L3MBTL4: variants seen among roughly 807,000 people sequenced by gnomAD.
The protein encoded by L3MBTL4 is L3MBTL histone methyl-lysine binding protein 4.
In L3MBTL4, 70 loss-of-function variants were observed where a neutral mutation model predicts 84.5. The ratio of observed to expected loss-of-function variants is 0.83; its 90% CI spans 0.68 to 1.01. The LOEUF is 1.01. Ranked by LOEUF, L3MBTL4 falls within the 50% of genes least tolerant of loss-of-function variation. The pLI, the probability that L3MBTL4 is intolerant of heterozygous loss-of-function variation, is 0.00. For synonymous variants in L3MBTL4, 274 were observed against 259.8 expected, an observed-to-expected ratio of 1.05 and a Z score of -0.52; for missense variants, 715 against 754.8, an observed-to-expected ratio of 0.95 and a Z score of 0.62.
chr18:6,370,454 A>G (rs865841394), intron 1 of L3MBTL4, among the ~76,000 whole-genome samples: 4 of 152,224 alleles, frequency 2.6e-5, no homozygotes, highest in African/African-American at 7.2e-5. Context: ...ATGGGAACCC[A>G]GATGGAATCA....
At chr18:6,014,244 C>T (rs371186314) in intron 16 of L3MBTL4, among the ~76,000 whole-genome samples, 5 of 152,182 alleles carry the variant, frequency 3.3e-5, no homozygotes, top group Admixed American at 2.0e-4. Flanking sequence ...TGGCACTTCT[C>T]TACCGTCTCT....
At chr18:6,069,436 T>C (rs75618699) in intron 16 of L3MBTL4, among the ~76,000 whole-genome samples, 1 of 152,096 alleles carries the variant, frequency 6.6e-6, no homozygotes, top group Admixed American at 6.5e-5. Context: ...AAGTGTTGTT[T>C]TTTTTTTTCC....
chr18:6,188,890 G>C (rs1383999245), intron 12 of L3MBTL4, among the ~76,000 whole-genome samples: 1 of 152,202 alleles, frequency 6.6e-6, no homozygotes, highest in Non-Finnish European at 1.5e-5. Context: ...AACCAGAGAT[G>C]AACTAAAGCT....
chr18:6,293,872 A>G (rs1249462599), intron 4 of L3MBTL4, among the ~76,000 whole-genome samples: 1 of 152,192 alleles, frequency 6.6e-6, no homozygotes, highest in East Asian at 1.9e-4. Flanking sequence ...ATAAAAGTTC[A>G]GGAAAGGCTG....
chr18:6,033,097 C>G (rs1416980908), intron 16 of L3MBTL4, among the ~76,000 whole-genome samples: 2 of 152,110 alleles, frequency 1.3e-5, no homozygotes, highest in Non-Finnish European at 2.9e-5. Context: ...CCATTATTAC[C>G]ATATAACTGT....
At chr18:6,038,738 G>C (rs906408196) in intron 16 of L3MBTL4, among the ~76,000 whole-genome samples, 2 of 152,104 alleles carry the variant, frequency 1.3e-5, no homozygotes, top group African/African-American at 4.8e-5. Flanking sequence ...TATTATTCAA[G>C]AGAAAACTTG....
intron 12 of L3MBTL4, among the ~76,000 whole-genome samples, chr18:6,174,705 A>T (rs2044143721): frequency 6.7e-6 from 1 of 148,802 alleles, no homozygotes; most frequent in Non-Finnish European, 1.5e-5. Context: ...CCCCATCTCT[A>T]CTAAAATGCA....
chr18:5,961,220 C>T (rs1013181409), intron 17 of L3MBTL4, among the ~76,000 whole-genome samples: 6 of 152,230 alleles, frequency 3.9e-5, no homozygotes, highest in Non-Finnish European at 7.3e-5. Context: ...GTTATCAACA[C>T]GTCCCACCCT....
intron 16 of L3MBTL4, among the ~76,000 whole-genome samples, chr18:5,975,493 ACTTCTG>A (rs2052872694): frequency 6.6e-6 from 1 of 152,172 alleles, no homozygotes; most frequent in African/African-American, 2.4e-5. Context: ...TTCCATAGTG[ACTTCTG>A]CTGGAGAAGC....
At chr18:6,008,394 A>T (rs2054584947) in intron 16 of L3MBTL4, among the ~76,000 whole-genome samples, 1 of 152,166 alleles carries the variant, frequency 6.6e-6, no homozygotes, top group Non-Finnish European at 1.5e-5. Context: ...GAGATGTTAC[A>T]ACTTTCTATC....
chr18:6,284,046 T>C (rs540917568), intron 4 of L3MBTL4, among the ~76,000 whole-genome samples: 7 of 152,300 alleles, frequency 4.6e-5, no homozygotes, highest in Admixed American at 2.6e-4. Context: ...TTAGGGAAAT[T>C]TCTGTGTATT....
chr18:6,150,402 A>T (rs1419858595), intron 13 of L3MBTL4, among the ~76,000 whole-genome samples: 1 of 151,998 alleles, frequency 6.6e-6, no homozygotes, highest in African/African-American at 2.4e-5. Flanking sequence ...CTTAACAGAA[A>T]ATGTTATGAG....
At chr18:6,188,456 A>G (rs1820596741) in intron 12 of L3MBTL4, among the ~76,000 whole-genome samples, 1 of 152,114 alleles carries the variant, frequency 6.6e-6, no homozygotes, top group African/African-American at 2.4e-5. Context: ...TCTAGAAACT[A>G]AAAATATATA....
chr18:6,165,706 G>C (rs539256163), intron 13 of L3MBTL4, among the ~76,000 whole-genome samples: 2 of 152,258 alleles, frequency 1.3e-5, no homozygotes, highest in Admixed American at 1.3e-4. Context: ...GGAACGACTG[G>C]TACCAACCAC....
intron 16 of L3MBTL4, chr18:6,017,735 G>A (rs932120321): frequency 1.3e-5 from 2 of 152,154 alleles, no homozygotes. Context: ...CCCTGCCTAA[G>A]CAAGGCCTTA....
intron 16 of L3MBTL4, among the ~76,000 whole-genome samples, chr18:6,012,871 C>T (rs1325439721): frequency 6.6e-6 from 1 of 152,108 alleles, no homozygotes; most frequent in East Asian, 1.9e-4. Context: ...CATGCTGTGC[C>T]TTTACTCTCT....
chr18:6,370,614 G>A (rs778294135), intron 1 of L3MBTL4, among the ~76,000 whole-genome samples: 6 of 152,116 alleles, frequency 3.9e-5, no homozygotes, highest in African/African-American at 1.4e-4. Context: ...ACCCACTACT[G>A]GTGGCCAAAA....
chr18:6,240,560 C>A (rs1353136287), intron 8 of L3MBTL4, among the ~76,000 whole-genome samples: 1 of 151,994 alleles, frequency 6.6e-6, no homozygotes, highest in African/African-American at 2.4e-5. Context: ...CTATAATTAG[C>A]CAATCCTGGG....
intron 12 of L3MBTL4, among the ~76,000 whole-genome samples, chr18:6,199,212 C>T (rs1453542200): frequency 6.6e-6 from 1 of 152,226 alleles, no homozygotes. Context: ...TCAGCCCCCT[C>T]ATGCCTACAT....
Sources: gnomAD v4.1 joint callset for allele counts (sites outside exome capture counted in the v4.1 genomes callset) on GRCh38, gnomAD v4.1.1 for gene constraint, MANE v1.5 for transcripts, NCBI Gene and HGNC (gene_info 2026-07-23, HGNC 2026-07-21) for gene names.